U2SURP: variants seen among roughly 807,000 people sequenced by gnomAD.
The protein encoded by U2SURP is U2 snRNP associated SURP domain containing.
Under a neutral mutation model 144.9 loss-of-function variants are expected in U2SURP, and 9 were observed. The ratio of observed to expected loss-of-function variants is 0.06; its 90% CI spans 0.04 to 0.11. The LOEUF (loss-of-function observed/expected upper bound fraction) is 0.11, where lower values mean the gene tolerates loss of function less well. U2SURP is among the 10% of genes least tolerant of loss of function. The probability of loss-of-function intolerance (pLI) is 1.00; values close to 1 mark genes in which losing one functional copy is unlikely to be tolerated. For synonymous variants in U2SURP, 408 were observed against 396.8 expected (o/e 1.03, Z -0.33); for missense variants, 724 against 1,226.7 (o/e 0.59, Z 6.12).
rs1578122006 is a variant in U2SURP, at chr3:143,016,200, T to C, written c.322-57T>C. 40 of 1,503,856 alleles carry C rather than the reference T, an allele frequency of 2.7e-5. 1 individual carries two copies. The highest frequency in any genetic ancestry group is 3.3e-5 in the Non-Finnish European group (36 of 1,083,524). The allele number at this position is 1,503,856 out of a possible 1,614,324, so 93.2% of individuals were successfully genotyped here. ...ATATTATTCCTTGATGAATTTAGCC[T>C]TGTGTACATTAACAATTTTTGTATT... On this transcript the variant is annotated intron_variant, in intron 4 of 27. Coordinates refer to ENST00000473835, the MANE Select transcript of U2SURP (RefSeq NM_001080415.2).
intron 1 of U2SURP, among the ~76,000 whole-genome samples, chr3:143,009,983 T>C (rs570042644): frequency 1.5e-4 from 23 of 152,354 alleles, no homozygotes; most frequent in Non-Finnish European, 3.2e-4. Context: ...AAAATTTCAC[T>C]ACCGTATACC....
intron 6 of U2SURP, among the ~76,000 whole-genome samples, chr3:143,019,258 A>T (rs1006276616): frequency 2.0e-5 from 3 of 152,168 alleles, no homozygotes; most frequent in Non-Finnish European, 4.4e-5. Flanking sequence ...TGATGGAAGC[A>T]TGGAGGTTTT....
intron 2 of U2SURP, 157 bp from the exon 3 acceptor site, chr3:143,012,065 T>C (rs1241260120): frequency 2.1e-6 from 2 of 972,292 alleles, no homozygotes; most frequent in African/African-American, 3.2e-5. Flanking sequence ...TCTTAAGAAC[T>C]TTTTTGGTGA....
Position 143,022,699 on chromosome 3 carries a change from A to G in U2SURP, c.1018+37A>G, listed in dbSNP as rs753501280. On this transcript the variant is annotated intron_variant, in intron 11 of 27. Coordinates refer to ENST00000473835, the MANE Select transcript of U2SURP (RefSeq NM_001080415.2). ...TTTATTATCCATTTATACAATTCAG[A>G]TATTTCTTTGGTTTGGAAAAGTATT... 7 of 1,571,434 alleles carry G rather than the reference A, an allele frequency of 4.5e-6. No individual in the cohort carries two copies. The highest frequency in any genetic ancestry group is 6.0e-6 in the Non-Finnish European group (7 of 1,157,660).
intron 6 of U2SURP, 112 bp downstream of exon 6, chr3:143,017,087 G>A (rs1936409363): frequency 2.8e-6 from 3 of 1,057,086 alleles, no homozygotes; most frequent in South Asian, 2.5e-5. Context: ...GGGCAGGGTG[G>A]TAGATGTTAA....
chr3:143,049,721 TG>T (rs1236499588), intron 24 of U2SURP, among the ~76,000 whole-genome samples: 3 of 152,204 alleles, frequency 2.0e-5, no homozygotes, highest in Non-Finnish European at 2.9e-5. Context: ...AACCACTTTG[TG>T]AAGTTTTTAT....
chr3:143,048,348 A>G (rs1934654156), intron 24 of U2SURP, among the ~76,000 whole-genome samples: 3 of 152,174 alleles, frequency 2.0e-5, no homozygotes, highest in Admixed American at 2.0e-4. Flanking sequence ...TCCCCTAAGT[A>G]ACATTTGGGT....
chr3:143,043,717 G>GTATATATATATATA (rs5853088), intron 24 of U2SURP, among the ~76,000 whole-genome samples: 1 of 147,354 alleles, frequency 6.8e-6, no homozygotes, highest in African/African-American at 2.5e-5. Flanking sequence ...TAGATTATAT[G>GTATATATATATATA]TATATATATA....
Position 143,016,349 on chromosome 3 carries a change from G to A in U2SURP, c.414G>A (p.Gly138=). The change falls in exon 5 of 28, where the codon GGG becomes GGA. Residue 138 remains glycine (G), a synonymous_variant. Coordinates refer to ENST00000473835, the MANE Select transcript of U2SURP (RefSeq NM_001080415.2). ...ATAAAGTGAAAACATTTGTGCGAGGGGGTGTTGTTAATGCAGCTAAAGGTA... is the reference window on the plus strand; with the variant it reads ...ATAAAGTGAAAACATTTGTGCGAGGAGGTGTTGTTAATGCAGCTAAAGGTA... ...DGNKVKTFVR[G]GVVNAAKEEH... The A allele has an allele frequency of 1.2e-6, 2 of 1,612,730 alleles. No homozygotes were observed. Among genetic ancestry groups the A allele is most frequent in the South Asian group, 1.1e-5 (1 of 91,006 alleles).
intron 24 of U2SURP, among the ~76,000 whole-genome samples, chr3:143,048,006 A>G (rs183575388): frequency 2.4e-4 from 37 of 152,264 alleles, no homozygotes; most frequent in African/African-American, 8.7e-4. Flanking sequence ...ATTTCTACCA[A>G]CAAGGTTGGA....
chr3:143,025,047 G>A (rs7611721), intron 13 of U2SURP, among the ~76,000 whole-genome samples: 102,599 of 151,938 alleles, frequency 0.68, 34,836 homozygotes, highest in African/African-American at 0.75. Flanking sequence ...TAAGGAAGAA[G>A]AATGTGATTA....
At position 143,010,830 on chromosome 3, in the gene U2SURP, G is replaced by T. The variant is rs367592203; in HGVS notation, c.61G>T (p.Val21Phe). The change falls in exon 2 of 28, where the codon GTT becomes TTT. Residue 21 changes from valine to phenylalanine, a missense_variant. By Grantham distance (50) the Val-to-Phe change is conservative. Coordinates refer to ENST00000473835, the MANE Select transcript of U2SURP (RefSeq NM_001080415.2). ...KASSKTRSSD[V>F]HSSGSSDAHM... ...ATACTTGTAGACGAGATCATCAGAT[G>T]TTCATTCATCTGGATCTTCAGATGC... 6.2e-6 allele frequency: 10 copies of T among 1,607,742 alleles called. No homozygotes were observed. The highest frequency in any genetic ancestry group is 2.2e-5 in the East Asian group (1 of 44,750).
rs79624791 is a variant in U2SURP, at chr3:143,006,919, C to T, written c.46-3896C>T. On this transcript the variant is annotated intron_variant, in intron 1 of 27. Transcript: ENST00000473835. ...CGTGGGAGATTAGGAGACAGATACA[C>T]GAATGGAGAGCTCACTAGGCAGAAT... Among the ~76,000 whole-genome samples, 16 of 152,242 alleles carry T rather than the reference C, an allele frequency of 1.1e-4. No individual in the cohort carries two copies. The South Asian group carries it at 2.5e-3, about 24-fold the overall frequency.
At chr3:143,015,642 T>G (rs1158425919) in intron 4 of U2SURP, among the ~76,000 whole-genome samples, 1 of 152,150 alleles carries the variant, frequency 6.6e-6, no homozygotes, top group East Asian at 1.9e-4. Context: ...TCCCACTGAT[T>G]TGAGATGCTC....
Position 143,027,156 on chromosome 3 carries a change from C to A in U2SURP, c.1282C>A (p.Leu428Ile). The change falls in exon 14 of 28, where the codon CTC (leucine) becomes ATC (isoleucine). Residue 428 changes from leucine to isoleucine, a missense_variant. By Grantham distance (5) the Leu-to-Ile change is conservative. Coordinates refer to ENST00000473835, the MANE Select transcript of U2SURP (RefSeq NM_001080415.2). ...KVVIPTERNL[L>I]ALIHRMIEFV... is the part of the protein sequence containing the mutation. ...ACTGTGTTGTTGTTGTAGGAATTTG[C>A]TCGCCCTGATACATCGAATGATAGA... 1 of 1,611,966 alleles carries A rather than the reference C, an allele frequency of 6.2e-7. No homozygotes were observed. Among genetic ancestry groups the A allele is most frequent in the East Asian group, 2.2e-5 (1 of 44,816 alleles).
chr3:143,030,900 A>C (rs1933444569), intron 16 of U2SURP, among the ~76,000 whole-genome samples: 1 of 152,206 alleles, frequency 6.6e-6, no homozygotes, highest in African/African-American at 2.4e-5. Flanking sequence ...AAATTTAAAA[A>C]AATCTTAAAA....
intron 2 of U2SURP, among the ~76,000 whole-genome samples, chr3:143,011,379 T>C (rs1578115136): frequency 2.0e-5 from 3 of 152,338 alleles, no homozygotes; most frequent in Admixed American, 2.0e-4. Flanking sequence ...TATATGTTAT[T>C]ACAGCAGTGT....
intron 12 of U2SURP, chr3:143,023,291 GT>G (rs1023747131): frequency 6.7e-6 from 3 of 448,094 alleles, no homozygotes; most frequent in African/African-American, 4.1e-5. Flanking sequence ...CACTTGTTAA[GT>G]TTTTTTTCCT....
At chr3:143,016,180 A>C (rs938571039) in intron 4 of U2SURP, 77 bp from the exon 5 acceptor site, 62 of 1,307,512 alleles carry the variant, frequency 4.7e-5, no homozygotes, top group Non-Finnish European at 6.5e-5. Flanking sequence ...CGTCCATATT[A>C]TTCCTTGATG....
Sources: gnomAD v4.1 joint callset for allele counts (sites outside exome capture counted in the v4.1 genomes callset) on GRCh38, gnomAD v4.1.1 for gene constraint, MANE v1.5 for transcripts, NCBI Gene and HGNC (gene_info 2026-07-23, HGNC 2026-07-21) for gene names.